RNF32: variants seen among roughly 807,000 people sequenced by gnomAD.
RNF32 encodes the protein ring finger protein 32.
Under a neutral mutation model 41.0 loss-of-function variants are expected in RNF32, and 36 were observed. That is an observed-to-expected ratio of 0.88 (90% CI 0.67 to 1.16). The LOEUF (loss-of-function observed/expected upper bound fraction) is 1.16, where lower values mean the gene tolerates loss of function less well. Ranked by LOEUF, RNF32 falls within the 50% of genes most tolerant of loss-of-function variation. The probability of loss-of-function intolerance (pLI) is 0.00; values close to 1 mark genes in which losing one functional copy is unlikely to be tolerated. For synonymous variants in RNF32, 154 were observed against 160.9 expected (o/e 0.96, Z 0.32); for missense variants, 413 against 436.7 (o/e 0.95, Z 0.48).
chr7:156,657,783 AT>A (rs1799950475), intron 5 of RNF32: 7 of 617,136 alleles, frequency 1.1e-5, no homozygotes, highest in Non-Finnish European at 2.0e-5. Context: ...ACAAATGTTT[AT>A]GTAACAGATT....
chr7:156,672,790 C>T (rs957730352), intron 7 of RNF32, among the ~76,000 whole-genome samples: 3 of 152,230 alleles, frequency 2.0e-5, no homozygotes, highest in Non-Finnish European at 4.4e-5. Context: ...TGAAAGCGCA[C>T]GCACAGCGAT....
At chr7:156,651,074 G>C (rs1798652030) in intron 3 of RNF32, among the ~76,000 whole-genome samples, 1 of 152,088 alleles carries the variant, frequency 6.6e-6, no homozygotes, top group Admixed American at 6.5e-5. Flanking sequence ...GAAGATCCAT[G>C]GGCATAGTTT....
intron 7 of RNF32, chr7:156,659,404 T>G: frequency 1.0e-6 from 1 of 985,798 alleles, no homozygotes; most frequent in Non-Finnish European, 1.2e-6. Flanking sequence ...CGGGTGTTCA[T>G]TCTCAATTTG....
chr7:156,660,470 T>G (rs1396844524), intron 7 of RNF32: 1 of 212,258 alleles, frequency 4.7e-6, no homozygotes, highest in African/African-American at 2.4e-5. Flanking sequence ...AAACTGATTT[T>G]TTATTTTTTG....
rs1799902197 is a variant in RNF32 at position 156,657,527 on chromosome 7, TTCC to T, written c.418-11_418-9del. On this transcript the variant is annotated splice_polypyrimidine_tract_variant and intron_variant, in intron 4 of 8. Transcript: ENST00000317955. ...TTTGTAAACTTCAACGTCGTTCTGT[TTCC>T]TCATGAACAGGTGCTGCTTTCATGC... 6.2e-7 allele frequency: 1 copy of T among 1,613,972 alleles called. No individual in the cohort carries two copies. Among genetic ancestry groups the T allele is most frequent in the Non-Finnish European group, 8.5e-7 (1 of 1,179,904 alleles).
intron 2 of RNF32, 150 bp from the exon 3 acceptor site, chr7:156,644,349 G>C (rs1797726927): frequency 3.0e-6 from 2 of 660,522 alleles, no homozygotes; most frequent in South Asian, 3.5e-5. Context: ...ACAAGGGTCT[G>C]CTCCTACTTA....
chr7:156,658,617 G>A (rs768759796), intron 7 of RNF32, 47 bp downstream of exon 7: 2 of 1,247,634 alleles, frequency 1.6e-6, no homozygotes, highest in South Asian at 2.4e-5. Context: ...CCGTGCGGGT[G>A]GTTCACTTGG....
At chr7:156,650,716 G>T (rs1798599372) in intron 3 of RNF32, among the ~76,000 whole-genome samples, 1 of 152,246 alleles carries the variant, frequency 6.6e-6, no homozygotes, top group South Asian at 2.1e-4. Flanking sequence ...CTAAGAGGAA[G>T]GGTGGTGCTG....
chr7:156,675,926 G>C (rs1803846959), intron 8 of RNF32, 63 bp downstream of exon 8: 1 of 1,534,560 alleles, frequency 6.5e-7, no homozygotes, highest in Non-Finnish European at 8.9e-7. Context: ...GCTGTGGGGA[G>C]TGGCATGTGG....
At chr7:156,655,465 G>A (rs530860997) in intron 4 of RNF32, among the ~76,000 whole-genome samples, 57 of 152,286 alleles carry the variant, frequency 3.7e-4, no homozygotes, top group East Asian at 1.4e-3. Flanking sequence ...GTGGCATTAC[G>A]CTTCCTGCAT....
intron 3 of RNF32, among the ~76,000 whole-genome samples, chr7:156,646,959 C>G (rs777267089): frequency 3.3e-5 from 5 of 152,130 alleles, no homozygotes. Flanking sequence ...TCAAGTGATT[C>G]TCGTGCCTCA....
At chr7:156,671,556 T>A (rs1220246736) in intron 7 of RNF32, among the ~76,000 whole-genome samples, 1 of 152,218 alleles carries the variant, frequency 6.6e-6, no homozygotes, top group African/African-American at 2.4e-5. Flanking sequence ...GATGCAGATG[T>A]CATCATAGGT....
chr7:156,666,719 C>A (rs1801386531), intron 7 of RNF32, among the ~76,000 whole-genome samples: 1 of 152,214 alleles, frequency 6.6e-6, no homozygotes, highest in Non-Finnish European at 1.5e-5. Context: ...GGAAAGGTCA[C>A]TCAAGCTGTT....
intron 3 of RNF32, among the ~76,000 whole-genome samples, chr7:156,653,316 T>C (rs911452948): frequency 3.3e-5 from 5 of 152,284 alleles, no homozygotes; most frequent in Non-Finnish European, 5.9e-5. Flanking sequence ...ACCGTGTAGC[T>C]TTGGTGTGTG....
chr7:156,643,373 A>AT (rs1308826195), intron 1 of RNF32, among the ~76,000 whole-genome samples: 1 of 152,158 alleles, frequency 6.6e-6, no homozygotes, highest in African/African-American at 2.4e-5. Context: ...AAATAAGCAT[A>AT]TCATGCTGAT....
At chr7:156,663,921 A>T (rs1330596588) in intron 7 of RNF32, among the ~76,000 whole-genome samples, 2 of 152,206 alleles carry the variant, frequency 1.3e-5, no homozygotes, top group African/African-American at 4.8e-5. Context: ...CACGGATTAC[A>T]CTCTCAAATA....
chr7:156,660,190 C>T (rs1365215234), intron 7 of RNF32: 4 of 985,572 alleles, frequency 4.1e-6, no homozygotes, highest in Middle Eastern at 5.2e-4. Flanking sequence ...ATGTCCTGCC[C>T]GTTCCTACTG....
At chr7:156,655,262 C>CACAG (rs1554442368) in intron 4 of RNF32, among the ~76,000 whole-genome samples, 78 of 146,370 alleles carry the variant, frequency 5.3e-4, no homozygotes, top group African/African-American at 1.6e-3. Flanking sequence ...CACACACACA[C>CACAG]AGAGAGAGAG....
intron 7 of RNF32, among the ~76,000 whole-genome samples, chr7:156,660,782 A>T (rs1052253097): frequency 6.6e-6 from 1 of 152,138 alleles, no homozygotes; most frequent in Admixed American, 6.5e-5. Context: ...CAGGAAACCC[A>T]CTCTCAAGGA....
Sources: gnomAD v4.1 joint callset for allele counts (sites outside exome capture counted in the v4.1 genomes callset) on GRCh38, gnomAD v4.1.1 for gene constraint, MANE v1.5 for transcripts, NCBI Gene and HGNC (gene_info 2026-07-23, HGNC 2026-07-21) for gene names.